The following ZNRF2 variants were observed in gnomAD, a reference collection of about 807,000 sequenced individuals.
ZNRF2 encodes zinc and ring finger 2.
Under a neutral mutation model 20.4 loss-of-function variants are expected in ZNRF2, and 16 were observed. The ratio of observed to expected loss-of-function variants is 0.79; its 90% CI spans 0.53 to 1.19. ZNRF2 has a LOEUF of 1.19. ZNRF2 is among the 50% of genes most tolerant of loss of function. ZNRF2 has a pLI of 0.00. For synonymous variants in ZNRF2, 178 were observed against 144.9 expected (o/e 1.23, Z -1.64); for missense variants, 363 against 332.4 (o/e 1.09, Z -0.72).
At position 30,285,486 on chromosome 7, in the gene ZNRF2, C is replaced by T; in HGVS notation, c.129C>T (p.Ala43=). 2.8e-6 allele frequency: 3 copies of T among 1,082,476 alleles called. No homozygotes were observed. The highest frequency in any genetic ancestry group is 3.4e-6 in the Non-Finnish European group (3 of 894,142). 67.1% of individuals were successfully genotyped at this position (1,082,476 alleles called of 1,614,324 possible). ...GTAGGGGGAR[A]AAAGRFPAQV... ...CGGGCGGCGGCGGGGGCGCTCGGGC[C>T]GCCGCCGCGGGGAGGTTCCCGGCTC... Residue 43 remains alanine, a synonymous_variant, in exon 1 of 5, where the codon GCC becomes GCT. Transcript: ENST00000323037.
intron 1 of ZNRF2, among the ~76,000 whole-genome samples, chr7:30,290,742 A>G (rs751372198): frequency 1.3e-5 from 2 of 152,372 alleles, no homozygotes; most frequent in African/African-American, 2.4e-5. Flanking sequence ...TCTTTCTGCC[A>G]CATGGATTAT....
chr7:30,350,865 T>TG (rs1279377806), intron 2 of ZNRF2, among the ~76,000 whole-genome samples: 1 of 151,984 alleles, frequency 6.6e-6, no homozygotes, highest in Non-Finnish European at 1.5e-5. Context: ...TAATAGCGCT[T>TG]GGCGTTGTAT....
intron 1 of ZNRF2, among the ~76,000 whole-genome samples, chr7:30,309,813 A>G (rs935752921): frequency 2.6e-5 from 4 of 152,232 alleles, no homozygotes; most frequent in Non-Finnish European, 5.9e-5. Flanking sequence ...AGCATGTAAT[A>G]TATTTTAAAA....
At chr7:30,320,236 A>G (rs924919617) in intron 1 of ZNRF2, among the ~76,000 whole-genome samples, 20 of 151,324 alleles carry the variant, frequency 1.3e-4, no homozygotes, top group Non-Finnish European at 1.3e-4. Flanking sequence ...ATCTTTCTAT[A>G]TATACATAGA....
Position 30,362,460 on chromosome 7 carries a change from AT to A in ZNRF2, c.*22+12del, listed in dbSNP as rs201691924. ...GCGTCAGCTTCCTGTTTTATAGGTA[AT>A]TTTTTTTGTAATTACTTTTTAAAGC... On this transcript the variant is annotated splice_donor_5th_base_variant and intron_variant, in intron 4 of 4. Coordinates refer to ENST00000323037, the MANE Select transcript of ZNRF2 (RefSeq NM_147128.4). 5,191 of 1,566,616 alleles carry A rather than the reference AT, an allele frequency of 3.3e-3. 130 individuals carry two copies. In the African/African-American group the frequency reaches 0.061, roughly 18 times the overall value.
chr7:30,355,831 A>AG lies in ZNRF2; in HGVS notation c.671+1dup. The AG allele has an allele frequency of 6.2e-7, 1 of 1,609,698 alleles. No individual in the cohort carries two copies. The highest frequency in any genetic ancestry group is 2.2e-5 in the East Asian group (1 of 44,786). On this transcript the variant is annotated frameshift_variant and splice_region_variant, in exon 3 of 5. Coordinates refer to ENST00000323037, the MANE Select transcript of ZNRF2 (RefSeq NM_147128.4). LOFTEE classifies it high-confidence loss of function. ...TGCCTTGTCTATGCATATATCATAA[A>AG]GGGTAAGTTCACCAAGTTGGTATTA...
intron 1 of ZNRF2, among the ~76,000 whole-genome samples, chr7:30,299,297 T>G (rs142606334): frequency 6.6e-6 from 1 of 152,018 alleles, no homozygotes; most frequent in East Asian, 1.9e-4. Context: ...CGCATGCCTG[T>G]AATCCCAGCG....
At chr7:30,311,374 A>T (rs1019673837) in intron 1 of ZNRF2, among the ~76,000 whole-genome samples, 1 of 152,170 alleles carries the variant, frequency 6.6e-6, no homozygotes, top group Admixed American at 6.5e-5. Flanking sequence ...GCTATATTTG[A>T]TTCTTCCATA....
At position 30,285,535 on chromosome 7, in the gene ZNRF2, A is replaced by T; in HGVS notation, c.178A>T (p.Ser60Cys). 1.0e-6 allele frequency: 1 copy of T among 984,692 alleles called. No individual in the cohort carries two copies. Among genetic ancestry groups the T allele is most frequent in the Non-Finnish European group, 1.2e-6 (1 of 832,394 alleles). 61.0% of individuals were successfully genotyped at this position (984,692 alleles called of 1,614,324 possible). A position where few individuals can be genotyped will look rare whatever the true frequency, so the allele number is the denominator to read the frequency against. ...PAQVPSAHQP[S>C]ASGGAAAAAA... The stretch of plus-strand genomic sequence containing the variant: ...TCAGGTGCCCAGCGCGCACCAGCCC[A>T]GCGCCTCCGGCGGCGCCGCGGCGGC... Residue 60 changes from serine to cysteine, a missense_variant, in exon 1 of 5, where the codon AGC (serine) becomes TGC (cysteine). Ser to Cys is a moderately radical substitution (Grantham distance 112). Around this residue, in one of 2 missense-constraint regions of ZNRF2, gnomAD observed 302 missense variants for 231.5 expected, o/e 1.30. Coordinates refer to ENST00000323037, the MANE Select transcript of ZNRF2 (RefSeq NM_147128.4).
chr7:30,290,773 A>G (rs187514865), intron 1 of ZNRF2, among the ~76,000 whole-genome samples: 2 of 152,376 alleles, frequency 1.3e-5, no homozygotes, highest in Admixed American at 1.3e-4. Context: ...ACAGCTGAAC[A>G]TGTAACTTCT....
Position 30,285,567 on chromosome 7 carries a change from G to A in ZNRF2, c.210G>A (p.Ala70=), listed in dbSNP as rs1385525244. The change falls in exon 1 of 5, where the codon GCG becomes GCA. Residue 70 remains alanine, a synonymous_variant. Coordinates refer to ENST00000323037, the MANE Select transcript of ZNRF2 (RefSeq NM_147128.4). Reference sequence around the variant, plus strand: ...CCGGCGGCGCCGCGGCGGCCGCGGCGGCCCCGGCAGCCCCGGCGGCCCCGC... The same window carrying A: ...CCGGCGGCGCCGCGGCGGCCGCGGCAGCCCCGGCAGCCCCGGCGGCCCCGC... ...SASGGAAAAA[A]APAAPAAPRS... is the part of the protein sequence containing the mutation. 1.1e-5 allele frequency: 11 copies of A among 978,288 alleles called. No individual in the cohort carries two copies. The highest frequency in any genetic ancestry group is 4.6e-5 in the South Asian group (1 of 21,772). 60.6% of individuals were successfully genotyped at this position (978,288 alleles called of 1,614,324 possible). A position where few individuals can be genotyped will look rare whatever the true frequency, so the allele number is the denominator to read the frequency against.
At chr7:30,316,646 A>G (rs1430850964) in intron 1 of ZNRF2, among the ~76,000 whole-genome samples, 2 of 152,126 alleles carry the variant, frequency 1.3e-5, no homozygotes, top group African/African-American at 4.8e-5. Context: ...TTTGTCCTTT[A>G]TTAAGTCGCT....
chr7:30,308,467 G>A (rs1253011724), intron 1 of ZNRF2, among the ~76,000 whole-genome samples: 1 of 152,176 alleles, frequency 6.6e-6, no homozygotes, highest in Admixed American at 6.5e-5. Flanking sequence ...TGTCATCTGT[G>A]TGAGCTTGGG....
At position 30,301,749 on chromosome 7, in the gene ZNRF2, T is replaced by C. The variant is rs185719665; in HGVS notation, c.469+15923T>C. Among the ~76,000 whole-genome samples the C allele has an allele frequency of 1.2e-4, 17 of 147,540 alleles. No individual in the cohort carries two copies. In the East Asian group the frequency reaches 2.6e-3, roughly 22 times the overall value. On this transcript the variant is annotated intron_variant, in intron 1 of 4. Coordinates refer to ENST00000323037, the MANE Select transcript of ZNRF2 (RefSeq NM_147128.4). ...CTTATCTTTGTCTTAGATTTGAATA[T>C]ACTAGAGCGGGCAAAAATCCCATTA...
chr7:30,342,420 G>A (rs962208251), intron 2 of ZNRF2, among the ~76,000 whole-genome samples: 1 of 152,032 alleles, frequency 6.6e-6, no homozygotes, highest in African/African-American at 2.4e-5. Flanking sequence ...TAAGACAGGC[G>A]TGGTGATGAC....
intron 4 of ZNRF2, among the ~76,000 whole-genome samples, chr7:30,364,610 CTTCA>C (rs1800180757): frequency 6.6e-6 from 1 of 152,096 alleles, no homozygotes; most frequent in Non-Finnish European, 1.5e-5. Flanking sequence ...TTTGGAATGC[CTTCA>C]TTGTCACCTT....
chr7:30,340,707 T>G (rs6949098), intron 2 of ZNRF2, among the ~76,000 whole-genome samples: 24,421 of 151,998 alleles, frequency 0.16, 2,011 homozygotes, highest in East Asian at 0.29. Context: ...TTCTTTTTTT[T>G]TTGTTGTGTC....
chr7:30,360,949 A>G (rs1800117359), intron 3 of ZNRF2, among the ~76,000 whole-genome samples: 1 of 152,232 alleles, frequency 6.6e-6, no homozygotes, highest in African/African-American at 2.4e-5. Context: ...GAGAGAAGGG[A>G]ATATAATCAT....
chr7:30,354,850 T>TA (rs1332741792), intron 2 of ZNRF2, among the ~76,000 whole-genome samples: 1 of 152,134 alleles, frequency 6.6e-6, no homozygotes, highest in African/African-American at 2.4e-5. Flanking sequence ...ATTCTGCATT[T>TA]AAAAAACAGT....
Sources: gnomAD v4.1 joint callset for allele counts (sites outside exome capture counted in the v4.1 genomes callset) on GRCh38, gnomAD v4.1.1 for gene constraint, gnomAD v4.1.1 regional missense constraint, MANE v1.5 for transcripts, NCBI Gene and HGNC (gene_info 2026-07-23, HGNC 2026-07-21) for gene names.